Variants in AUTS2 observed in about 807,000 individuals in gnomAD.
AUTS2 encodes activator of transcription and developmental regulator AUTS2.
In AUTS2, 17 loss-of-function variants were observed where a neutral mutation model predicts 112.4. The observed-to-expected ratio is 0.15, with a 90% CI of 0.10 to 0.23. The LOEUF is 0.23. Among genes scored for constraint, AUTS2 ranks in the 10% least tolerant of loss-of-function variants. AUTS2 has a pLI of 1.00. For missense variants in AUTS2, 1,510 were observed against 1,701.6 expected, an observed-to-expected ratio of 0.89 and a Z score of 1.98; for synonymous variants, 751 against 702.7, an observed-to-expected ratio of 1.07 and a Z score of -1.09.
intron 4 of AUTS2, among the ~76,000 whole-genome samples, chr7:70,275,204 A>G (rs1244280954): frequency 6.6e-6 from 1 of 152,202 alleles, no homozygotes; most frequent in Non-Finnish European, 1.5e-5. Flanking sequence ...AGCCTGGAAC[A>G]TTATTACCTA....
At chr7:69,761,349 G>A (rs942157541) in intron 1 of AUTS2, among the ~76,000 whole-genome samples, 11 of 152,196 alleles carry the variant, frequency 7.2e-5, no homozygotes, top group African/African-American at 2.7e-4. Flanking sequence ...CCTGGCTGCT[G>A]TGGCTGTGAT....
Position 70,039,871 on chromosome 7 carries a change from C to T in AUTS2, c.523-78261C>T, listed in dbSNP as rs187731590. ...ATTTTCATTCAGTGCATGCTAAGTA[C>T]TAAATCCAGTCTTGCTGGGTACAGA... On this transcript the variant is annotated intron_variant, in intron 2 of 18. Transcript: ENST00000342771. Among the ~76,000 whole-genome samples the T allele has an allele frequency of 4.6e-5, 7 of 152,314 alleles. No individual in the cohort carries two copies. In the East Asian group the frequency reaches 1.2e-3, roughly 25 times the overall value.
chr7:70,043,971 G>A (rs551398647), intron 2 of AUTS2, among the ~76,000 whole-genome samples: 161 of 152,252 alleles, frequency 1.1e-3, no homozygotes, highest in Non-Finnish European at 1.6e-3. Context: ...AAGGGTGGGA[G>A]TAGGGGTGGA....
chr7:70,154,415 C>A (rs537584275), intron 4 of AUTS2, among the ~76,000 whole-genome samples: 113 of 152,188 alleles, frequency 7.4e-4, no homozygotes, highest in African/African-American at 2.7e-3. Flanking sequence ...TTAAAAGATA[C>A]ATTTTTATAA....
intron 1 of AUTS2, among the ~76,000 whole-genome samples, chr7:69,622,663 T>A (rs1363119953): frequency 6.6e-6 from 1 of 152,226 alleles, no homozygotes; most frequent in Non-Finnish European, 1.5e-5. Context: ...GATTTCACAG[T>A]TTCTATTTCT....
chr7:70,705,615 ACT>A (rs1174642338), intron 6 of AUTS2, among the ~76,000 whole-genome samples: 1 of 151,704 alleles, frequency 6.6e-6, no homozygotes, highest in African/African-American at 2.4e-5. Flanking sequence ...GTGCTGTTCC[ACT>A]CTCTTTTTTC....
At chr7:70,574,107 C>T (rs951216875) in intron 5 of AUTS2, among the ~76,000 whole-genome samples, 4 of 152,074 alleles carry the variant, frequency 2.6e-5, no homozygotes, top group African/African-American at 9.7e-5. Context: ...AATCCTGTTC[C>T]CCTACCCCCA....
At chr7:69,626,503 A>T (rs561960054) in intron 1 of AUTS2, among the ~76,000 whole-genome samples, 1 of 152,152 alleles carries the variant, frequency 6.6e-6, no homozygotes, top group East Asian at 1.9e-4. Context: ...AATGACTTGG[A>T]TTTATAAAGG....
intron 2 of AUTS2, among the ~76,000 whole-genome samples, chr7:69,990,490 A>G (rs1301287711): frequency 6.6e-6 from 1 of 152,188 alleles, no homozygotes; most frequent in East Asian, 1.9e-4. Flanking sequence ...CTGTTCTTCA[A>G]ACCAAAATGA....
chr7:69,851,365 G>A (rs1448458426), intron 1 of AUTS2, among the ~76,000 whole-genome samples: 2 of 152,052 alleles, frequency 1.3e-5, no homozygotes, highest in Admixed American at 6.6e-5. Context: ...AATCTTGAAC[G>A]TATTTACAAA....
At chr7:69,926,755 C>T (rs1194080281) in intron 2 of AUTS2, among the ~76,000 whole-genome samples, 2 of 144,704 alleles carry the variant, frequency 1.4e-5, no homozygotes, top group Non-Finnish European at 3.0e-5. Flanking sequence ...TAGGGAAATA[C>T]TATATATACA....
At chr7:69,994,316 G>A (rs1798857005) in intron 2 of AUTS2, among the ~76,000 whole-genome samples, 1 of 152,206 alleles carries the variant, frequency 6.6e-6, no homozygotes, top group Non-Finnish European at 1.5e-5. Flanking sequence ...ACTTGGTCCT[G>A]AAATCTGTCT....
chr7:69,600,054 C>A, intron 1 of AUTS2, 92 bp downstream of exon 1: 4 of 834,918 alleles, frequency 4.8e-6, no homozygotes, highest in Non-Finnish European at 7.0e-6. Flanking sequence ...GCGCTCCGGG[C>A]TGTCTGTCTG....
At chr7:70,231,389 G>A (rs1398459515) in intron 4 of AUTS2, among the ~76,000 whole-genome samples, 1 of 152,114 alleles carries the variant, frequency 6.6e-6, no homozygotes, top group African/African-American at 2.4e-5. Context: ...GTTAACCACT[G>A]TCCTGACCTC....
At chr7:70,673,861 G>A (rs1585483167) in intron 5 of AUTS2, among the ~76,000 whole-genome samples, 1 of 152,244 alleles carries the variant, frequency 6.6e-6, no homozygotes, top group Non-Finnish European at 1.5e-5. Flanking sequence ...AATGGTATTA[G>A]TAAGTGCTTC....
At chr7:69,782,375 T>A (rs1562879511) in intron 1 of AUTS2, among the ~76,000 whole-genome samples, 1 of 151,730 alleles carries the variant, frequency 6.6e-6, no homozygotes, top group Non-Finnish European at 1.5e-5. Flanking sequence ...TGTTTTTTTT[T>A]TTTTTGTTTC....
chr7:70,100,078 C>G, intron 2 of AUTS2, among the ~76,000 whole-genome samples: 1 of 152,170 alleles, frequency 6.6e-6, no homozygotes. Flanking sequence ...GATTCCTTAA[C>G]GTTAAAATTT....
intron 5 of AUTS2, among the ~76,000 whole-genome samples, chr7:70,466,515 T>C (rs981359876): frequency 7.2e-5 from 11 of 152,354 alleles, no homozygotes; most frequent in South Asian, 6.2e-4. Context: ...AAAATGGGCA[T>C]GTTCACTGCC....
chr7:69,888,342 G>A (rs565609506), intron 1 of AUTS2, among the ~76,000 whole-genome samples: 1 of 151,326 alleles, frequency 6.6e-6, no homozygotes, highest in African/African-American at 2.4e-5. Flanking sequence ...TGCAGAGGTC[G>A]CATGATGAGA....
Sources: allele counts gnomAD v4.1 joint callset (sites outside exome capture counted in the v4.1 genomes callset), GRCh38; gene constraint gnomAD v4.1.1; transcripts MANE v1.5; gene names NCBI Gene and HGNC (gene_info 2026-07-23, HGNC 2026-07-21).